Variants in GRIK2 observed in about 807,000 individuals in gnomAD.
GRIK2 encodes glutamate receptor ionotropic, kainate 2.
GRIK2 carries 32 observed loss-of-function variants against 100.3 expected under a neutral mutation model. The observed-to-expected ratio is 0.32, with a 90% CI of 0.24 to 0.43. GRIK2 has a LOEUF of 0.43. Ranked by LOEUF, GRIK2 falls within the 20% of genes least tolerant of loss-of-function variation. The pLI, the probability that GRIK2 is intolerant of heterozygous loss-of-function variation, is 1.00. For synonymous variants in GRIK2, 417 were observed against 389.4 expected (o/e 1.07, Z -0.83); for missense variants, 843 against 1,114.9 (o/e 0.76, Z 3.47).
intron 14 of GRIK2, among the ~76,000 whole-genome samples, chr6:101,991,966 G>A (rs1424927782): frequency 1.3e-5 from 2 of 151,704 alleles, no homozygotes; most frequent in East Asian, 1.9e-4. Flanking sequence ...GAGGATATAT[G>A]TAAATGTATA....
intron 14 of GRIK2, among the ~76,000 whole-genome samples, chr6:102,006,197 T>TATAAC (rs1393667364): frequency 6.6e-6 from 1 of 151,246 alleles, no homozygotes; most frequent in Non-Finnish European, 1.5e-5. Flanking sequence ...CAGAAAAAAA[T>TATAAC]ATAACATTGT....
chr6:101,682,819 T>C (rs1771377762), intron 6 of GRIK2, among the ~76,000 whole-genome samples: 1 of 152,224 alleles, frequency 6.6e-6, no homozygotes, highest in Non-Finnish European at 1.5e-5. Flanking sequence ...CAATTCAAAA[T>C]ATTGCATATC....
At chr6:101,623,467 G>A (rs1372043704) in intron 3 of GRIK2, among the ~76,000 whole-genome samples, 1 of 152,096 alleles carries the variant, frequency 6.6e-6, no homozygotes, top group Non-Finnish European at 1.5e-5. Context: ...TAGTGGCATA[G>A]TTCATGATTG....
intron 11 of GRIK2, among the ~76,000 whole-genome samples, chr6:101,867,200 C>T (rs1785105963): frequency 6.6e-6 from 1 of 151,826 alleles, no homozygotes. Flanking sequence ...GCAGTACCTC[C>T]CCCCAACACA....
At chr6:101,609,099 C>G (rs1486125737) in intron 2 of GRIK2, among the ~76,000 whole-genome samples, 1 of 151,658 alleles carries the variant, frequency 6.6e-6, no homozygotes, top group African/African-American at 2.4e-5. Flanking sequence ...CATGCAAACT[C>G]ATATATGTAC....
intron 7 of GRIK2, among the ~76,000 whole-genome samples, chr6:101,736,784 T>C (rs1487452689): frequency 1.3e-5 from 2 of 152,188 alleles, no homozygotes; most frequent in Non-Finnish European, 2.9e-5. Flanking sequence ...TTGTTACTTA[T>C]TCAAATTTCT....
At chr6:102,048,729 A>C (rs998002995) in intron 15 of GRIK2, among the ~76,000 whole-genome samples, 1 of 152,132 alleles carries the variant, frequency 6.6e-6, no homozygotes, top group African/African-American at 2.4e-5. Context: ...AAGAAATGTA[A>C]TATTATTAGT....
At chr6:101,866,850 G>A (rs190134874) in intron 11 of GRIK2, among the ~76,000 whole-genome samples, 1 of 151,206 alleles carries the variant, frequency 6.6e-6, no homozygotes, top group African/African-American at 2.4e-5. Context: ...TTTTCTGAAT[G>A]CCTATAATGC....
intron 2 of GRIK2, among the ~76,000 whole-genome samples, chr6:101,543,043 G>A (rs1293040056): frequency 6.6e-6 from 1 of 152,038 alleles, no homozygotes; most frequent in East Asian, 1.9e-4. Context: ...TTTCCTGTGT[G>A]TGCTTTTGTA....
chr6:101,838,381 A>C (rs1430475703), intron 10 of GRIK2, among the ~76,000 whole-genome samples: 3 of 152,104 alleles, frequency 2.0e-5, no homozygotes, highest in Non-Finnish European at 4.4e-5. Context: ...AAATCAACCC[A>C]CCAAGATTCC....
chr6:101,705,897 A>G (rs140772966), intron 7 of GRIK2, among the ~76,000 whole-genome samples: 1 of 152,078 alleles, frequency 6.6e-6, no homozygotes, highest in East Asian at 1.9e-4. Context: ...ACAATAAAAA[A>G]ACAAATCAGC....
intron 14 of GRIK2, among the ~76,000 whole-genome samples, chr6:102,033,814 C>T (rs1335028): frequency 0.27 from 40,527 of 150,918 alleles, 5,558 homozygotes; most frequent in East Asian, 0.31. Flanking sequence ...CTTGTTACAC[C>T]AATTAACTGT....
At chr6:101,564,666 A>G (rs1777168896) in intron 2 of GRIK2, among the ~76,000 whole-genome samples, 1 of 151,818 alleles carries the variant, frequency 6.6e-6, no homozygotes, top group Non-Finnish European at 1.5e-5. Context: ...CGCTATATAA[A>G]CCCCACTGCA....
intron 14 of GRIK2, among the ~76,000 whole-genome samples, chr6:101,961,139 C>T (rs1792271023): frequency 6.6e-6 from 1 of 152,194 alleles, no homozygotes; most frequent in Non-Finnish European, 1.5e-5. Context: ...CACCCTTCTT[C>T]CAGGGCTCAG....
intron 2 of GRIK2, among the ~76,000 whole-genome samples, chr6:101,478,110 T>A (rs1206961297): frequency 6.6e-6 from 1 of 152,176 alleles, no homozygotes; most frequent in Non-Finnish European, 1.5e-5. Context: ...GAGTATATAA[T>A]GTTAATGGAA....
At chr6:101,790,377 T>G (rs1345675685) in intron 7 of GRIK2, among the ~76,000 whole-genome samples, 1 of 152,194 alleles carries the variant, frequency 6.6e-6, no homozygotes, top group Admixed American at 6.5e-5. Context: ...TTGAGATACG[T>G]CACATCAATT....
chr6:101,759,059 T>G (rs1007593975), intron 7 of GRIK2, among the ~76,000 whole-genome samples: 12 of 152,320 alleles, frequency 7.9e-5, no homozygotes, highest in African/African-American at 2.9e-4. Context: ...AACTAAATGA[T>G]GCTTGACAAC....
At chr6:101,748,329 TTAAA>T (rs1375882907) in intron 7 of GRIK2, among the ~76,000 whole-genome samples, 1 of 152,100 alleles carries the variant, frequency 6.6e-6, no homozygotes, top group Non-Finnish European at 1.5e-5. Context: ...AAACAGATAA[TTAAA>T]TAAAAATTAT....
At chr6:101,501,401 A>G (rs1487388521) in intron 2 of GRIK2, among the ~76,000 whole-genome samples, 3 of 152,214 alleles carry the variant, frequency 2.0e-5, no homozygotes, top group Admixed American at 1.3e-4. Context: ...TGAAATCATT[A>G]TAGTAAACAT....
Sources: allele counts gnomAD v4.1 joint callset (sites outside exome capture counted in the v4.1 genomes callset), GRCh38; gene constraint gnomAD v4.1.1; transcripts MANE v1.5; gene names NCBI Gene and HGNC (gene_info 2026-07-23, HGNC 2026-07-21).